SEMA4D: variants seen among roughly 807,000 people sequenced by gnomAD.
SEMA4D encodes the protein semaphorin 4D, also known as semaphorin-4D.
A neutral mutation model predicts 74.8 loss-of-function variants in SEMA4D; 22 were observed. The ratio of observed to expected loss-of-function variants is 0.29; its 90% confidence interval spans 0.21 to 0.42. The LOEUF (loss-of-function observed/expected upper bound fraction) is 0.42. Among genes scored for constraint, SEMA4D ranks in the 10% least tolerant of loss-of-function variants. The pLI, the probability that SEMA4D is intolerant of heterozygous loss-of-function variation, is 1.00. For synonymous variants in SEMA4D, 445 were observed against 463.7 expected (o/e 0.96, Z 0.52); for missense variants, 937 against 1,118.4 (o/e 0.84, Z 2.31).
chr9:89,472,119 T>G (rs1860506565), intron 1 of SEMA4D: 1 of 175,296 alleles, frequency 5.7e-6, no homozygotes, highest in East Asian at 1.8e-4. Context: ...TGGGTCAATT[T>G]GCACAATCCT....
intron 16 of SEMA4D, chr9:89,369,578 G>C (rs896348131): frequency 7.3e-6 from 1 of 136,672 alleles, no homozygotes; most frequent in Admixed American, 7.4e-5. Context: ...TCTGCATGTA[G>C]ACACAACCCA....
At chr9:89,362,363 T>C in exon 19 of SEMA4D, 2 of 1,613,966 alleles carry the variant, frequency 1.2e-6, no homozygotes, top group Non-Finnish European at 1.7e-6. Flanking sequence ...CAGGGTCTTG[T>C]TGGGGTTGAG....
intron 1 of SEMA4D, among the ~76,000 whole-genome samples, chr9:89,485,265 T>C (rs1825090209): frequency 6.6e-6 from 1 of 152,190 alleles, no homozygotes; most frequent in Admixed American, 6.5e-5. Context: ...CTCATCTCAT[T>C]AGGCATATTT....
chr9:89,381,652 G>T lies in SEMA4D; in HGVS notation c.1447-306C>A. On this transcript the variant is annotated intron_variant, in intron 13 of 15. Transcript: ENST00000422704. The surrounding 1 kb of genome is among the most constrained non-coding windows in gnomAD (Gnocchi z 4.6). ...TGCACGTGTTTCTCTTAGCCAGTGG[G>T]GAGGCTGTTCAGTCCCCACCTCCAG... 1 of 262,276 alleles carries T rather than the reference G, an allele frequency of 3.8e-6. No homozygotes were observed. The highest frequency in any genetic ancestry group is 2.2e-5 in the African/African-American group (1 of 45,488). The allele number at this position is 262,276 out of a possible 1,614,324, so 16.2% of individuals were successfully genotyped here.
chr9:89,440,132 C>G (rs1851372786), intron 2 of SEMA4D, among the ~76,000 whole-genome samples: 1 of 152,192 alleles, frequency 6.6e-6, no homozygotes, highest in Non-Finnish European at 1.5e-5. Context: ...GACCCTCACC[C>G]TGGGAGCCAC....
In SEMA4D at chr9:89,465,237, C is replaced by T. The variant is rs551801388; in HGVS notation, c.-309-9284G>A. ...AGAGCCCTTAGTCCGGTGCATCCCG[C>T]GGAGAACAGACAAGAGGGGCCTAAG... is the stretch of plus-strand genomic sequence containing the variant. On this transcript the variant is annotated intron_variant, in intron 1 of 15. Coordinates refer to ENST00000422704, the MANE Select transcript of SEMA4D (RefSeq NM_001371194.2). 5.3e-5 allele frequency among the ~76,000 whole-genome samples: 8 copies of T among 152,228 alleles called. No individual in the cohort carries two copies. The East Asian group carries it at 1.2e-3, about 22-fold the overall frequency.
Position 89,378,877 on chromosome 9 carries a change from G to C in SEMA4D, c.2416C>G (p.His806Asp). The C allele has an allele frequency of 6.2e-7, 1 of 1,614,210 alleles. No individual in the cohort carries two copies. Among genetic ancestry groups the C allele is most frequent in the Non-Finnish European group, 8.5e-7 (1 of 1,180,046 alleles). Residue 806 changes from histidine (H) to aspartate (D), a missense_variant, in exon 16 of 16, where the codon CAC becomes GAC. Physicochemically the swap from His to Asp is moderately conservative, Grantham distance 81. Coordinates refer to ENST00000422704, the MANE Select transcript of SEMA4D (RefSeq NM_001371194.2). Reference protein sequence around the residue: ...PGSFSQQNGEHPKPALDTGYE... With the variant: ...PGSFSQQNGEDPKPALDTGYE... The stretch of plus-strand genomic sequence containing the variant: ...CCGGTGTCCAGGGCTGGCTTGGGGT[G>C]CTCCCCATTCTGCTGGGAGAAGCTC...
At chr9:89,491,920 G>C (rs1486670646) in intron 1 of SEMA4D, among the ~76,000 whole-genome samples, 1 of 151,994 alleles carries the variant, frequency 6.6e-6, no homozygotes, top group African/African-American at 2.4e-5. Flanking sequence ...GCAGCTCATG[G>C]GGATCCTTCA....
chr9:89,464,771 T>C (rs577721791), intron 1 of SEMA4D, among the ~76,000 whole-genome samples: 1 of 152,078 alleles, frequency 6.6e-6, no homozygotes. Flanking sequence ...TGGGCAGGGT[T>C]GCAGGGGTCC....
intron 4 of SEMA4D, among the ~76,000 whole-genome samples, chr9:89,402,357 C>CA (rs1314704045): frequency 6.6e-6 from 1 of 152,118 alleles, no homozygotes; most frequent in Non-Finnish European, 1.5e-5. Flanking sequence ...AGCGTGGTTG[C>CA]AACCTGATTC....
chr9:89,417,702 C>T (rs1333411009), intron 2 of SEMA4D, among the ~76,000 whole-genome samples: 2 of 152,216 alleles, frequency 1.3e-5, no homozygotes, highest in African/African-American at 4.8e-5. Flanking sequence ...CTTCCTGCAC[C>T]CTCCAAAAGA....
At chr9:89,447,099 C>G (rs1228392116) in intron 2 of SEMA4D, among the ~76,000 whole-genome samples, 2 of 152,132 alleles carry the variant, frequency 1.3e-5, no homozygotes, top group Non-Finnish European at 2.9e-5. Context: ...CCCTCGCCCG[C>G]TGCCTATCGG....
Position 89,405,592 on chromosome 9 carries a change from C to A in SEMA4D, c.-136G>T. 6.8e-7 allele frequency: 1 copy of A among 1,460,398 alleles called. No individual in the cohort carries two copies. Among genetic ancestry groups the A allele is most frequent in the Non-Finnish European group, 9.0e-7 (1 of 1,109,506 alleles). 90.5% of individuals were successfully genotyped at this position (1,460,398 alleles called of 1,614,324 possible). On this transcript the variant is annotated 5_prime_UTR_variant, in exon 3 of 16. Coordinates refer to ENST00000422704, the MANE Select transcript of SEMA4D (RefSeq NM_001371194.2). The stretch of plus-strand genomic sequence containing the variant: ...CACAGCCTGGAGCTCGTGAACAGCG[C>A]GGTCCCTGAGAATCCACATTTCCCA...
exon 19 of SEMA4D, chr9:89,361,978 C>CTAT: frequency 3.7e-6 from 1 of 270,330 alleles, no homozygotes; most frequent in East Asian, 7.5e-5. Flanking sequence ...ACCCTGTTGG[C>CTAT]TATTAGGGGG....
At chr9:89,412,298 A>G (rs756595435) in intron 2 of SEMA4D, among the ~76,000 whole-genome samples, 7 of 152,198 alleles carry the variant, frequency 4.6e-5, no homozygotes, top group Non-Finnish European at 8.8e-5. Context: ...ATCTTGTAAT[A>G]GTATCCACGA....
intron 2 of SEMA4D, among the ~76,000 whole-genome samples, chr9:89,455,024 G>A (rs1001483772): frequency 1.3e-5 from 2 of 152,252 alleles, no homozygotes; most frequent in South Asian, 2.1e-4. Context: ...CAGGCAGCCC[G>A]ATCCCAACAG....
intron 16 of SEMA4D, among the ~76,000 whole-genome samples, chr9:89,366,637 C>T (rs2132311567): frequency 6.6e-6 from 1 of 152,314 alleles, no homozygotes; most frequent in Non-Finnish European, 1.5e-5. Context: ...CATAGATGTA[C>T]AAACATATGT....
chr9:89,476,750 G>C (rs62549808), intron 1 of SEMA4D, among the ~76,000 whole-genome samples: 28,578 of 152,108 alleles, frequency 0.19, 2,906 homozygotes, highest in East Asian at 0.32. Flanking sequence ...ATCAATCAGG[G>C]ACATGGCAAA....
chr9:89,448,218 C>T (rs1303193810), intron 2 of SEMA4D, among the ~76,000 whole-genome samples: 1 of 152,172 alleles, frequency 6.6e-6, no homozygotes, highest in East Asian at 1.9e-4. Flanking sequence ...TCAAGTGATC[C>T]TCCCATCTCG....
Sources: gnomAD v4.1 joint callset for allele counts (sites outside exome capture counted in the v4.1 genomes callset) on GRCh38, gnomAD v4.1.1 for gene constraint, Gnocchi (gnomAD v3.1) non-coding constraint, MANE v1.5 for transcripts, NCBI Gene and HGNC (gene_info 2026-07-23, HGNC 2026-07-21) for gene names.